KCTD16: variants seen among roughly 807,000 people sequenced by gnomAD.
The protein encoded by KCTD16 is potassium channel tetramerization domain containing 16.
In KCTD16, 13 loss-of-function variants were observed where a neutral mutation model predicts 33.2. The ratio of observed to expected loss-of-function variants is 0.39; its 90% CI spans 0.25 to 0.62. The LOEUF (loss-of-function observed/expected upper bound fraction) is 0.62. Among genes scored for constraint, KCTD16 ranks in the 20% least tolerant of loss-of-function variants. KCTD16 has a pLI of 0.50. For synonymous variants in KCTD16, 197 were observed against 195.3 expected (o/e 1.01, Z -0.07); for missense variants, 441 against 525.1 (o/e 0.84, Z 1.57).
intron 2 of KCTD16, among the ~76,000 whole-genome samples, chr5:144,193,698 C>T (rs1002883676): frequency 6.6e-6 from 1 of 152,020 alleles, no homozygotes; most frequent in African/African-American, 2.4e-5. Flanking sequence ...ACACATAGAG[C>T]TTATAGCTTA....
intron 3 of KCTD16, among the ~76,000 whole-genome samples, chr5:144,234,970 T>G (rs1005646450): frequency 3.9e-5 from 6 of 152,114 alleles, no homozygotes; most frequent in Admixed American, 1.3e-4. Context: ...AATGCATCAT[T>G]AACTCTGTCT....
chr5:144,465,785 TG>T lies in KCTD16; in HGVS notation c.833-7874del, dbSNP rs1489884062. On this transcript the variant is annotated intron_variant, in intron 3 of 3. Transcript: ENST00000512467. Reference sequence around the variant, plus strand: ...ACAATTGCTCCAAATTTAACTTTTTTGTTTTTTTTTTTTTTTGCCAGGAGGA... The same window carrying T: ...ACAATTGCTCCAAATTTAACTTTTTTTTTTTTTTTTTTTTTGCCAGGAGGA... Among the ~76,000 whole-genome samples the T allele has an allele frequency of 7.8e-3, 1,149 of 147,140 alleles. 38 individuals carry two copies. The highest frequency in any genetic ancestry group is 0.028 in the African/African-American group (1,090 of 38,588).
chr5:144,283,897 T>C (rs1261042460), intron 3 of KCTD16, among the ~76,000 whole-genome samples: 2 of 152,182 alleles, frequency 1.3e-5, no homozygotes. Context: ...AATCTAACAA[T>C]ATATTTGGTG....
chr5:144,223,032 T>G lies in KCTD16; in HGVS notation c.832+15486T>G, dbSNP rs1047636632. Among the ~76,000 whole-genome samples the G allele has an allele frequency of 3.3e-5, 5 of 152,238 alleles. No individual in the cohort carries two copies. In the South Asian group the frequency reaches 1.0e-3, roughly 32 times the overall value. ...CTGGAAACCATCATGCTCAGCAAACTATCGCAAGGACAAAAAAACCAAACA... is the reference window on the plus strand; with the variant it reads ...CTGGAAACCATCATGCTCAGCAAACGATCGCAAGGACAAAAAAACCAAACA... On this transcript the variant is annotated intron_variant, in intron 3 of 3. Transcript: ENST00000512467.
At chr5:144,458,268 C>G (rs1754117423) in intron 3 of KCTD16, among the ~76,000 whole-genome samples, 1 of 152,196 alleles carries the variant, frequency 6.6e-6, no homozygotes, top group Non-Finnish European at 1.5e-5. Flanking sequence ...TCGTTCAGGT[C>G]ACCCACTGAG....
chr5:144,391,990 C>T (rs1752459594), intron 3 of KCTD16, among the ~76,000 whole-genome samples: 1 of 152,144 alleles, frequency 6.6e-6, no homozygotes, highest in African/African-American at 2.4e-5. Context: ...ATTATTTCTT[C>T]TCTTGGTGAA....
chr5:144,321,134 C>T (rs1752063422), intron 3 of KCTD16, among the ~76,000 whole-genome samples: 1 of 152,162 alleles, frequency 6.6e-6, no homozygotes, highest in Non-Finnish European at 1.5e-5. Context: ...GGATTACAGG[C>T]ATGAGCCACC....
chr5:144,477,103 A>G lies in KCTD16; in HGVS notation c.*2989A>G, dbSNP rs565215862. 4.6e-5 allele frequency: 7 copies of G among 152,232 alleles called. No individual in the cohort carries two copies. The highest frequency in any genetic ancestry group is 1.7e-4 in the African/African-American group (7 of 41,554). The allele number at this position is 152,232 out of a possible 1,614,324, so 9.4% of individuals were successfully genotyped here. A position where few individuals can be genotyped will look rare whatever the true frequency, so the allele number is the denominator to read the frequency against. ...GTATGTGGGTTGTCTGAAGTCAGAA[A>G]CATATTTACAAAGTCCTTCTACCCA... On this transcript the variant is annotated 3_prime_UTR_variant, in exon 4 of 4. Coordinates refer to ENST00000512467, the MANE Select transcript of KCTD16 (RefSeq NM_020768.4).
At chr5:144,422,971 A>C (rs1430144815) in intron 3 of KCTD16, among the ~76,000 whole-genome samples, 1 of 152,168 alleles carries the variant, frequency 6.6e-6, no homozygotes, top group African/African-American at 2.4e-5. Flanking sequence ...TCATAGTAGC[A>C]AAGATAGATA....
intron 3 of KCTD16, among the ~76,000 whole-genome samples, chr5:144,389,877 C>T (rs1396502572): frequency 6.6e-6 from 1 of 152,184 alleles, no homozygotes; most frequent in Non-Finnish European, 1.5e-5. Flanking sequence ...TTGACCCTTT[C>T]CCTGTTTGGG....
At chr5:144,214,480 C>G (rs1376130836) in intron 3 of KCTD16, among the ~76,000 whole-genome samples, 1 of 152,132 alleles carries the variant, frequency 6.6e-6, no homozygotes, top group East Asian at 1.9e-4. Context: ...TAACATGAAC[C>G]ACATCCTTTT....
At chr5:144,316,987 C>T (rs1018578541) in intron 3 of KCTD16, among the ~76,000 whole-genome samples, 2 of 151,842 alleles carry the variant, frequency 1.3e-5, no homozygotes, top group Non-Finnish European at 2.9e-5. Context: ...GCCACAACGC[C>T]CAGCTAATTT....
intron 2 of KCTD16, among the ~76,000 whole-genome samples, chr5:144,204,422 T>G (rs1753114046): frequency 6.6e-6 from 1 of 152,222 alleles, no homozygotes; most frequent in South Asian, 2.1e-4. Flanking sequence ...CAGGCTCAAC[T>G]GGAAGCACTT....
intron 3 of KCTD16, among the ~76,000 whole-genome samples, chr5:144,417,311 A>G (rs1358706841): frequency 1.3e-5 from 2 of 152,026 alleles, no homozygotes; most frequent in Admixed American, 1.3e-4. Context: ...TTATACTTAT[A>G]TTAGTGGATA....
chr5:144,340,998 T>C (rs769669037), intron 3 of KCTD16, among the ~76,000 whole-genome samples: 8 of 151,890 alleles, frequency 5.3e-5, no homozygotes, highest in African/African-American at 9.7e-5. Flanking sequence ...TGAGCCGAGA[T>C]TGTGGCATTG....
intron 3 of KCTD16, among the ~76,000 whole-genome samples, chr5:144,238,850 T>C (rs944966736): frequency 6.6e-6 from 1 of 152,154 alleles, no homozygotes; most frequent in Non-Finnish European, 1.5e-5. Context: ...GCATCCTTAT[T>C]GCTAGGCACT....
rs536222973 is a variant in KCTD16 at position 144,173,492 on chromosome 5, A to G, written c.-492-815A>G. Reference sequence around the variant, plus strand: ...GTGGGGCATATTGGAGGGAGGAGGGAGAGAATCAGGAAAAATAACTAATAG... The same window carrying G: ...GTGGGGCATATTGGAGGGAGGAGGGGGAGAATCAGGAAAAATAACTAATAG... On this transcript the variant is annotated intron_variant, in intron 1 of 3. Coordinates refer to ENST00000512467, the MANE Select transcript of KCTD16 (RefSeq NM_020768.4). 7.9e-5 allele frequency among the ~76,000 whole-genome samples: 12 copies of G among 152,284 alleles called. No homozygotes were observed. In the South Asian group the frequency reaches 2.5e-3, roughly 32 times the overall value.
intron 3 of KCTD16, among the ~76,000 whole-genome samples, chr5:144,320,818 G>C (rs1011421718): frequency 7.9e-5 from 12 of 151,466 alleles, no homozygotes; most frequent in Admixed American, 5.3e-4. Context: ...CAGACCATAA[G>C]TAGATAATGG....
chr5:144,290,707 A>G (rs748837006), intron 3 of KCTD16, among the ~76,000 whole-genome samples: 1 of 152,126 alleles, frequency 6.6e-6, no homozygotes, highest in Non-Finnish European at 1.5e-5. Flanking sequence ...TTGCTTCCCC[A>G]AAGGTCCCAT....
Sources: allele counts gnomAD v4.1 joint callset (sites outside exome capture counted in the v4.1 genomes callset), GRCh38; gene constraint gnomAD v4.1.1; transcripts MANE v1.5; gene names NCBI Gene and HGNC (gene_info 2026-07-23, HGNC 2026-07-21).